Variants in PLEC observed in about 807,000 individuals in gnomAD.
PLEC encodes the protein plectin, also known as hemidesmosomal protein 1.
A neutral mutation model predicts 392.8 loss-of-function variants in PLEC; 216 were observed. The observed-to-expected ratio is 0.55, with a 90% CI of 0.49 to 0.62. PLEC has a LOEUF of 0.62. Among genes scored for constraint, PLEC ranks in the 20% least tolerant of loss-of-function variants. The pLI, the probability that PLEC is intolerant of heterozygous loss-of-function variation, is 0.00. For missense variants in PLEC, 6,863 were observed against 6,563.4 expected, an observed-to-expected ratio of 1.05 and a Z score of -1.58; for synonymous variants, 3,621 against 2,980.6, an observed-to-expected ratio of 1.21 and a Z score of -7.00.
chr8:143,923,216 T>G lies in PLEC; in HGVS notation c.6713A>C (p.Glu2238Ala). ...EELFSVRVQMEELSKLKARIE... is the reference protein window; with the variant it reads ...EELFSVRVQMAELSKLKARIE... ...GCGTGCCTTGAGCTTGCTCAGCTCC[T>G]CCATCTGCACGCGCACCGAGAAGAG... The change falls in exon 31 of 32, where the codon GAG becomes GCG. Residue 2238 changes from glutamate (E) to alanine (A), a missense_variant. Transcript: ENST00000345136. 4.4e-6 allele frequency: 7 copies of G among 1,603,046 alleles called. No individual in the cohort carries two copies. In the South Asian group the frequency reaches 5.5e-5, roughly 13 times the overall value.
intron 18 of PLEC, 76 bp from the exon 19 acceptor site, chr8:143,931,735 C>T: frequency 6.4e-7 from 1 of 1,554,244 alleles, no homozygotes; most frequent in Non-Finnish European, 8.7e-7. Flanking sequence ...AGGGCAGGCC[C>T]AAGACGGGGG....
chr8:143,916,312 G>A lies in PLEC; in HGVS notation c.13509C>T (p.Arg4503=), dbSNP rs190789703. ...CGGAGCCGGTGGCGTCAAAGCTGCCGCGGCGGGAGCCGGCCCGGGAGCCGG... is the reference window on the plus strand; with the variant it reads ...CGGAGCCGGTGGCGTCAAAGCTGCCACGGCGGGAGCCGGCCCGGGAGCCGG... ...SRTGSRAGSR[R]GSFDATGSGF... is the part of the protein sequence containing the mutation. Residue 4503 remains arginine, a synonymous_variant, in exon 32 of 32, where the codon CGC becomes CGT. Coordinates refer to ENST00000345136, the MANE Select transcript of PLEC (RefSeq NM_201384.3). 964 of 1,582,088 alleles carry A rather than the reference G, an allele frequency of 6.1e-4. No homozygotes were observed. The highest frequency in any genetic ancestry group is 7.8e-4 in the Non-Finnish European group (914 of 1,166,418).
Position 143,918,952 on chromosome 8 carries a change from G to A in PLEC, c.10869C>T (p.Ile3623=), listed in dbSNP as rs371565831. 88 of 1,609,782 alleles carry A rather than the reference G, an allele frequency of 5.5e-5. No homozygotes were observed. Among genetic ancestry groups the A allele is most frequent in the Middle Eastern group, 1.6e-4 (1 of 6,082 alleles). Residue 3623 remains isoleucine, a synonymous_variant, in exon 32 of 32, where the codon ATC becomes ATT. Coordinates refer to ENST00000345136, the MANE Select transcript of PLEC (RefSeq NM_201384.3). ...VTKERMIIII[I]EIIEKTEIIR... The stretch of plus-strand genomic sequence containing the variant: ...TGATCTCTGTCTTCTCAATGATCTC[G>A]ATGATGATGATGATCATGCGTTCCT...
Position 143,925,444 on chromosome 8 carries a change from C to T in PLEC, c.4485G>A (p.Glu1495=). Residue 1495 remains glutamate (E), a synonymous_variant, in exon 31 of 32, where the codon GAG becomes GAA. Coordinates refer to ENST00000345136, the MANE Select transcript of PLEC (RefSeq NM_201384.3). ...AEAQKRQAQE[E]AERLRRQVQD... Reference sequence around the variant, plus strand: ...GCACCTGCCTCCGCAAGCGCTCGGCCTCCTCCTGCGCCTGTCGCTTTTGTG... The same window carrying T: ...GCACCTGCCTCCGCAAGCGCTCGGCTTCCTCCTGCGCCTGTCGCTTTTGTG... 1 of 1,595,896 alleles carries T rather than the reference C, an allele frequency of 6.3e-7. No homozygotes were observed. Among genetic ancestry groups the T allele is most frequent in the South Asian group, 1.1e-5 (1 of 90,858 alleles).
chr8:143,918,631 T>C lies in PLEC; in HGVS notation c.11190A>G (p.Thr3730=). 1 of 1,612,646 alleles carries C rather than the reference T, an allele frequency of 6.2e-7. No individual in the cohort carries two copies. Among genetic ancestry groups the C allele is most frequent in the Non-Finnish European group, 8.5e-7 (1 of 1,179,952 alleles). ...CCTTCACCGGGTCCAGCAGGAAGCCTGTGGCTGCCTGTGCCTCCAGCAGCA... is the reference window on the plus strand; with the variant it reads ...CCTTCACCGGGTCCAGCAGGAAGCCCGTGGCTGCCTGTGCCTCCAGCAGCA... ...ARLLLEAQAA[T]GFLLDPVKGE... Residue 3730 remains threonine, a synonymous_variant, in exon 32 of 32, where the codon ACA becomes ACG. Coordinates refer to ENST00000345136, the MANE Select transcript of PLEC (RefSeq NM_201384.3).
chr8:143,950,254 C>G, exon 1 of PLEC: 3 of 1,570,780 alleles, frequency 1.9e-6, no homozygotes, highest in Non-Finnish European at 1.7e-6. Flanking sequence ...CCACAGGGGT[C>G]TCAGGTGACA....
In PLEC at chr8:143,925,869, G is replaced by C; in HGVS notation, c.4060C>G (p.Gln1354Glu). The change falls in exon 31 of 32, where the codon CAG becomes GAG. Residue 1354 changes from glutamine (Q) to glutamate (E), a missense_variant. Gln to Glu is a conservative substitution (Grantham distance 29). Transcript: ENST00000345136. ...AGCCGCTCGCGCTCCTCTGCCCGCT[G>C]CTGCTCAGCCAGCCTCTGTGGCCAC... Reference protein sequence around the residue: ...MEEEERLAEQQRAEERERLAE... With the variant: ...MEEEERLAEQERAEERERLAE... 6.5e-7 allele frequency: 1 copy of C among 1,546,802 alleles called. No homozygotes were observed. Among genetic ancestry groups the C allele is most frequent in the South Asian group, 1.2e-5 (1 of 85,618 alleles).
At chr8:143,937,711 C>T in intron 3 of PLEC, 1 of 489,626 alleles carries the variant, frequency 2.0e-6, no homozygotes, top group Non-Finnish European at 4.0e-6. Context: ...TCTTGGGGAG[C>T]TCCCGTGCCG....
rs782095413 is a variant in PLEC at position 143,916,762 on chromosome 8, C to T, written c.13059G>A (p.Gln4353=). The T allele has an allele frequency of 6.2e-7, 1 of 1,613,330 alleles. No individual in the cohort carries two copies. ...KIMVDRINLA[Q]KAFCGFEDPR... is the part of the protein sequence containing the mutation. ...GGTCCTCGAAGCCGCAGAAGGCCTTCTGGGCCAGGTTGATGCGGTCCACCA... is the reference window on the plus strand; with the variant it reads ...GGTCCTCGAAGCCGCAGAAGGCCTTTTGGGCCAGGTTGATGCGGTCCACCA... The change falls in exon 32 of 32, where the codon CAG becomes CAA. Residue 4353 remains glutamine, a synonymous_variant. Coordinates refer to ENST00000345136, the MANE Select transcript of PLEC (RefSeq NM_201384.3).
At chr8:143,967,399 A>G (rs1428806281) in intron 1 of PLEC, among the ~76,000 whole-genome samples, 1 of 150,572 alleles carries the variant, frequency 6.6e-6, no homozygotes, top group Non-Finnish European at 1.5e-5. Context: ...AGAAACAGAC[A>G]GAATTAAACA....
rs1277411906 is a variant in PLEC, at chr8:143,917,675, G to A, written c.12146C>T (p.Thr4049Met). Residue 4049 changes from threonine (T) to methionine (M), a missense_variant, in exon 32 of 32, where the codon ACG (threonine) becomes ATG (methionine). Physicochemically the swap from Thr to Met is moderately conservative, Grantham distance 81 (BLOSUM62 -1). Transcript: ENST00000345136. ...CTCCTCAGGGTCGATGATGCCGCCCGTGGCGATCTGGGCCTCCAGCAGGCG... is the reference window on the plus strand; with the variant it reads ...CTCCTCAGGGTCGATGATGCCGCCCATGGCGATCTGGGCCTCCAGCAGGCG... Reference protein sequence around the residue: ...GIRLLEAQIATGGIIDPEESH... With the variant: ...GIRLLEAQIAMGGIIDPEESH... 2 of 1,613,462 alleles carry A rather than the reference G, an allele frequency of 1.2e-6. No homozygotes were observed. The highest frequency in any genetic ancestry group is 1.7e-6 in the Non-Finnish European group (2 of 1,180,026).
rs782398331 is a variant in PLEC, at chr8:143,925,258, C to T, written c.4671G>A (p.Val1557=). 13 of 1,583,980 alleles carry T rather than the reference C, an allele frequency of 8.2e-6. No individual in the cohort carries two copies. Among genetic ancestry groups the T allele is most frequent in the African/African-American group, 2.7e-5 (2 of 74,252 alleles). ...CCACCTGTACCTGCCGCGCTCGCTC[C>T]ACCTCGGCCTGCCGCAGGCGCCGCT... ...EAERRLRQAE[V]ERARQVQVAL... Residue 1557 remains valine (V), a synonymous_variant, in exon 31 of 32, where the codon GTG becomes GTA. Transcript: ENST00000345136.
At chr8:143,972,567 G>C (rs543594720) in intron 1 of PLEC, among the ~76,000 whole-genome samples, 1 of 152,236 alleles carries the variant, frequency 6.6e-6, no homozygotes, top group South Asian at 2.1e-4. Context: ...AACCAGCCAC[G>C]TGGAGCTGGA....
rs1554719375 is a variant in PLEC, at chr8:143,933,342, G to A, written c.1273C>T (p.Leu425=). 1.2e-6 allele frequency: 2 copies of A among 1,611,322 alleles called. No homozygotes were observed. The highest frequency in any genetic ancestry group is 1.7e-6 in the Non-Finnish European group (2 of 1,179,946). Residue 425 remains leucine (L), a synonymous_variant, in exon 13 of 32, where the codon CTG becomes TTG. Transcript: ENST00000345136. The part of the protein sequence containing the change: ...ADALLQSDVR[L]LAAGKVPQRA... ...TGTGGCACTTTGCCTGCAGCCAGCAGCCGGACATCCTGCAAGGTCGTTGCC... is the reference window on the plus strand; with the variant it reads ...TGTGGCACTTTGCCTGCAGCCAGCAACCGGACATCCTGCAAGGTCGTTGCC...
At chr8:143,959,193 C>G (rs1832749776) in intron 1 of PLEC, among the ~76,000 whole-genome samples, 1 of 152,162 alleles carries the variant, frequency 6.6e-6, no homozygotes, top group Non-Finnish European at 1.5e-5. Flanking sequence ...CAGCATTTAC[C>G]CAAGTCAGCA....
At chr8:143,939,607 G>C, upstream of PLEC, 1 of 1,482,206 alleles carries the variant, frequency 6.7e-7, no homozygotes. Context: ...CAGTCGGTGC[G>C]GCCACTCCCT....
chr8:143,976,190 G>A (rs11786083), upstream of PLEC, among the ~76,000 whole-genome samples: 46,916 of 152,136 alleles, frequency 0.31, 7,754 homozygotes, highest in Non-Finnish European at 0.37. Flanking sequence ...CCACAGTGGG[G>A]GCGCGTACAC....
intron 1 of PLEC, among the ~76,000 whole-genome samples, chr8:143,963,355 T>C (rs1587405051): frequency 6.6e-6 from 1 of 152,154 alleles, no homozygotes; most frequent in Non-Finnish European, 1.5e-5. Context: ...CTGGCAGAGG[T>C]GCAGGTGCAG....
intron 1 of PLEC, among the ~76,000 whole-genome samples, chr8:143,965,793 G>A (rs1554742052): frequency 6.6e-6 from 1 of 152,176 alleles, no homozygotes; most frequent in African/African-American, 2.4e-5. Flanking sequence ...GATGATGTGT[G>A]GCTGGGTAAA....
Sources: allele counts gnomAD v4.1 joint callset (sites outside exome capture counted in the v4.1 genomes callset), GRCh38; gene constraint gnomAD v4.1.1; transcripts MANE v1.5; gene names NCBI Gene and HGNC (gene_info 2026-07-23, HGNC 2026-07-21).